Variants in C3orf20 observed in about 807,000 individuals in gnomAD.
C3orf20 encodes the protein family with sequence similarity 149 member C, also known as uncharacterized protein C3orf20.
Under a neutral mutation model 88.3 loss-of-function variants are expected in C3orf20, and 76 were observed. The ratio of observed to expected loss-of-function variants is 0.86; its 90% CI spans 0.72 to 1.04. The LOEUF (loss-of-function observed/expected upper bound fraction) is 1.04. Ranked by LOEUF, C3orf20 falls within the 50% of genes least tolerant of loss-of-function variation. The pLI is 0.00. For missense variants in C3orf20, 1,056 were observed against 1,123.3 expected (o/e 0.94, Z 0.86); for synonymous variants, 436 against 437.4 (o/e 1.00, Z 0.04).
intron 7 of C3orf20, among the ~76,000 whole-genome samples, chr3:14,712,136 T>C (rs543822337): frequency 6.6e-6 from 1 of 150,918 alleles, no homozygotes; most frequent in South Asian, 2.1e-4. Context: ...CTGGTGTCCT[T>C]ATAAGAAGAG....
Position 14,772,038 on chromosome 3 carries a change from C to CA in C3orf20, c.2496-28dup, listed in dbSNP as rs773777643. 1 of 1,613,794 alleles carries CA rather than the reference C, an allele frequency of 6.2e-7. No individual in the cohort carries two copies. The highest frequency in any genetic ancestry group is 8.5e-7 in the Non-Finnish European group (1 of 1,179,834). On this transcript the variant is annotated intron_variant, in intron 15 of 16. Coordinates refer to ENST00000253697, the MANE Select transcript of C3orf20 (RefSeq NM_032137.5). The surrounding 1 kb of genome is among the most constrained non-coding windows in gnomAD (Gnocchi z 4.2). ...CGTGCAGTGCACCCTGGGCCCTGAGCACTGCCCCCGACCCTGCCTCCCCTG... is the reference window on the plus strand; with the variant it reads ...CGTGCAGTGCACCCTGGGCCCTGAGCAACTGCCCCCGACCCTGCCTCCCCTG...
In C3orf20 at chr3:14,703,271, C is replaced by T. The variant is rs1485939454; in HGVS notation, c.878+9C>T. ...GAGTTGTGTCGCCACATGTGAGCACCTCAGTGCTTGGGTCGGGGGAGTCAA... is the reference window on the plus strand; with the variant it reads ...GAGTTGTGTCGCCACATGTGAGCACTTCAGTGCTTGGGTCGGGGGAGTCAA... On this transcript the variant is annotated intron_variant, in intron 6 of 16. Coordinates refer to ENST00000253697, the MANE Select transcript of C3orf20 (RefSeq NM_032137.5). 2 of 1,614,032 alleles carry T rather than the reference C, an allele frequency of 1.2e-6. No individual in the cohort carries two copies. The highest frequency in any genetic ancestry group is 1.7e-6 in the Non-Finnish European group (2 of 1,180,024).
At chr3:14,698,635 C>A (rs2033114084) in intron 5 of C3orf20, among the ~76,000 whole-genome samples, 1 of 152,208 alleles carries the variant, frequency 6.6e-6, no homozygotes, top group Non-Finnish European at 1.5e-5. Context: ...TGGAGTCTCT[C>A]TCTGTGCTGA....
chr3:14,760,155 A>C (rs890210178), intron 14 of C3orf20, among the ~76,000 whole-genome samples, 157 bp downstream of exon 14: 1 of 152,200 alleles, frequency 6.6e-6, no homozygotes, highest in African/African-American at 2.4e-5. Context: ...AGAGAGCAGG[A>C]AGACTGACCA....
At chr3:14,692,068 G>A (rs1177215143) in intron 5 of C3orf20, among the ~76,000 whole-genome samples, 1 of 152,158 alleles carries the variant, frequency 6.6e-6, no homozygotes, top group Non-Finnish European at 1.5e-5. Context: ...GCAAATGACA[G>A]GATCTCATTC....
chr3:14,689,948 A>G, intron 4 of C3orf20, 49 bp from the exon 5 acceptor site: 1 of 1,612,890 alleles, frequency 6.2e-7, no homozygotes, highest in East Asian at 2.2e-5. Flanking sequence ...TGGCTAATAA[A>G]ATTAAAAGTA....
chr3:14,754,099 G>A (rs1345385297), intron 12 of C3orf20, among the ~76,000 whole-genome samples: 1 of 152,196 alleles, frequency 6.6e-6, no homozygotes, highest in Non-Finnish European at 1.5e-5. Context: ...TGGTATGCAT[G>A]TGAGCCTTTC....
At chr3:14,759,596 G>A (rs2035494549) in intron 13 of C3orf20, among the ~76,000 whole-genome samples, 1 of 152,226 alleles carries the variant, frequency 6.6e-6, no homozygotes, top group African/African-American at 2.4e-5. Context: ...CAAGGGAGCA[G>A]TCACATTCTG....
Position 14,682,243 on chromosome 3 carries a change from C to A in C3orf20, c.-225C>A, listed in dbSNP as rs6442468. The A allele has an allele frequency of 0.86, 135,468 of 156,676 alleles. 58,813 individuals carry two copies. Among genetic ancestry groups the A allele is most frequent in the Non-Finnish European group, 0.91 (64,127 of 70,660 alleles). The allele number at this position is 156,676 out of a possible 1,614,324, so 9.7% of individuals were successfully genotyped here. A position where few individuals can be genotyped will look rare whatever the true frequency, so the allele number is the denominator to read the frequency against. On this transcript the variant is annotated 5_prime_UTR_variant, in exon 2 of 17. Transcript: ENST00000253697. ...GCTTCTGCATCCCTTGCTTCCAAAGCGAACCAGTGAAACATCTTTTTATTC... is the reference window on the plus strand; with the variant it reads ...GCTTCTGCATCCCTTGCTTCCAAAGAGAACCAGTGAAACATCTTTTTATTC...
chr3:14,707,507 T>C (rs1171036171), intron 7 of C3orf20, among the ~76,000 whole-genome samples: 1 of 150,754 alleles, frequency 6.6e-6, no homozygotes, highest in Non-Finnish European at 1.5e-5. Context: ...GTGTATCTTC[T>C]TTGGAGAAAT....
rs531667829 is a variant in C3orf20, at chr3:14,763,164, C to A, written c.2495+1549C>A. On this transcript the variant is annotated intron_variant, in intron 15 of 16. Transcript: ENST00000253697. ...GGCCCAGGCTGAAGATGAGCTGAGG[C>A]TGCAGGAAGATGCCAAAGAGGACCA... Among the ~76,000 whole-genome samples, 4 of 152,280 alleles carry A rather than the reference C, an allele frequency of 2.6e-5. No homozygotes were observed. The East Asian group carries it at 7.7e-4, about 29-fold the overall frequency.
chr3:14,714,343 C>A (rs527569260), intron 8 of C3orf20, among the ~76,000 whole-genome samples, 184 bp downstream of exon 8: 1 of 152,132 alleles, frequency 6.6e-6, no homozygotes, highest in East Asian at 1.9e-4. Context: ...AAGGCTCAGC[C>A]CTTCCTTGCT....
intron 4 of C3orf20, among the ~76,000 whole-genome samples, chr3:14,686,972 A>G (rs2032462751): frequency 6.6e-6 from 1 of 152,226 alleles, no homozygotes; most frequent in Non-Finnish European, 1.5e-5. Context: ...GAAAAAATGT[A>G]AGATTTCATG....
intron 5 of C3orf20, among the ~76,000 whole-genome samples, chr3:14,700,303 G>A (rs2033199667): frequency 6.6e-6 from 1 of 152,146 alleles, no homozygotes; most frequent in South Asian, 2.1e-4. Flanking sequence ...AGAACAATCA[G>A]TAGAGCCTTC....
chr3:14,724,972 A>G (rs968900555), intron 10 of C3orf20, among the ~76,000 whole-genome samples: 1 of 152,254 alleles, frequency 6.6e-6, no homozygotes, highest in African/African-American at 2.4e-5. Flanking sequence ...AGACCAATAC[A>G]TTGAGACAGA....
chr3:14,694,661 A>G (rs1005517881), intron 5 of C3orf20, among the ~76,000 whole-genome samples: 4 of 151,690 alleles, frequency 2.6e-5, no homozygotes, highest in East Asian at 1.9e-4. Flanking sequence ...GATCTCTTGT[A>G]TTGTTTTCCT....
chr3:14,724,866 G>C (rs1349164119), intron 10 of C3orf20, among the ~76,000 whole-genome samples: 1 of 152,162 alleles, frequency 6.6e-6, no homozygotes, highest in Non-Finnish European at 1.5e-5. Flanking sequence ...TCAAGGCATG[G>C]TTTGGCAGTG....
rs550097488 is a variant in C3orf20 at position 14,701,382 on chromosome 3, A to G, written c.746-1748A>G. On this transcript the variant is annotated intron_variant, in intron 5 of 16. Coordinates refer to ENST00000253697, the MANE Select transcript of C3orf20 (RefSeq NM_032137.5). The surrounding 1 kb of genome is among the most constrained non-coding windows in gnomAD (Gnocchi z 4.6). ...CATCCTCAAATCCAAGGTGAAGTTAAGCCTGCATACTTCGAGGCTGCAGCT... is the reference window on the plus strand; with the variant it reads ...CATCCTCAAATCCAAGGTGAAGTTAGGCCTGCATACTTCGAGGCTGCAGCT... 6.6e-6 allele frequency among the ~76,000 whole-genome samples: 1 copy of G among 152,140 alleles called. No individual in the cohort carries two copies. Among genetic ancestry groups the G allele is most frequent in the African/African-American group, 2.4e-5 (1 of 41,442 alleles).
intron 12 of C3orf20, among the ~76,000 whole-genome samples, chr3:14,742,286 A>C (rs1362499934): frequency 2.0e-5 from 3 of 152,212 alleles, no homozygotes; most frequent in African/African-American, 7.2e-5. Context: ...TAACTGAGTA[A>C]CAATGGCGTC....
Sources: allele counts gnomAD v4.1 joint callset (sites outside exome capture counted in the v4.1 genomes callset), GRCh38; gene constraint gnomAD v4.1.1; non-coding constraint Gnocchi (gnomAD v3.1); transcripts MANE v1.5; gene names NCBI Gene and HGNC (gene_info 2026-07-23, HGNC 2026-07-21).